SUPT20H: variants seen among roughly 807,000 people sequenced by gnomAD.
The protein encoded by SUPT20H is transcription factor SPT20 homolog.
SUPT20H carries 82 observed loss-of-function variants against 122.8 expected under a neutral mutation model. The ratio of observed to expected loss-of-function variants is 0.67; its 90% confidence interval spans 0.56 to 0.80. SUPT20H has a LOEUF of 0.80. SUPT20H is among the 30% of genes least tolerant of loss of function. SUPT20H has a pLI of 0.00. For missense variants in SUPT20H, 831 were observed against 921.6 expected, an observed-to-expected ratio of 0.90 and a Z score of 1.27; for synonymous variants, 291 against 313.0, an observed-to-expected ratio of 0.93 and a Z score of 0.74.
chr13:37,040,363 C>A, intron 9 of SUPT20H, 42 bp downstream of exon 9: 5 of 1,495,364 alleles, frequency 3.3e-6, no homozygotes, highest in South Asian at 2.6e-5. Flanking sequence ...TTTTTTCATC[C>A]TATATTTTGC....
chr13:37,037,110 T>A (rs2064590758), intron 9 of SUPT20H, among the ~76,000 whole-genome samples: 1 of 149,866 alleles, frequency 6.7e-6, no homozygotes, highest in Non-Finnish European at 1.5e-5. Context: ...GGTGGGAGGA[T>A]CACTTGAGCC....
rs2063776796 is a variant in SUPT20H, at chr13:37,033,471, T to C, written c.685A>G (p.Met229Val). Residue 229 changes from methionine to valine, a missense_variant, in exon 10 of 26, where the codon ATG (methionine) becomes GTG (valine). Met to Val is a conservative substitution (Grantham distance 21). Coordinates refer to ENST00000350612, the MANE Select transcript of SUPT20H (RefSeq NM_001014286.3). ...ANRLLYNKQK[M>V]NTRPMKRCFK... The stretch of plus-strand genomic sequence containing the variant: ...TACCGTTTCATTGGGCGAGTGTTCA[T>C]CTTTTGCTTGTTATAGAGCAGTCTG... 1.2e-6 allele frequency: 2 copies of C among 1,612,016 alleles called. No homozygotes were observed. Among genetic ancestry groups the C allele is most frequent in the African/African-American group, 2.7e-5 (2 of 74,864 alleles).
At chr13:37,025,524 T>C in intron 16 of SUPT20H, 87 bp from the exon 17 acceptor site, 1 of 839,758 alleles carries the variant, frequency 1.2e-6, no homozygotes, top group Non-Finnish European at 1.9e-6. Flanking sequence ...TGACTATTAA[T>C]GGCAAAAAGA....
intron 22 of SUPT20H, among the ~76,000 whole-genome samples, chr13:37,018,932 A>C (rs932353156): frequency 6.6e-6 from 1 of 152,190 alleles, no homozygotes; most frequent in Non-Finnish European, 1.5e-5. Context: ...TCTAGGTGTG[A>C]GCAACCATGT....
intron 9 of SUPT20H, chr13:37,040,177 A>C (rs533111247): frequency 7.5e-6 from 3 of 401,456 alleles, no homozygotes; most frequent in Non-Finnish European, 1.3e-5. Flanking sequence ...ATCTCATTGA[A>C]TATATTAGGC....
At position 37,022,419 on chromosome 13, in the gene SUPT20H, G is replaced by GTTT; in HGVS notation, c.1592-342_1592-340dup. On this transcript the variant is annotated intron_variant, in intron 19 of 25. Transcript: ENST00000350612. The surrounding 1 kb of genome is among the most constrained non-coding windows in gnomAD (Gnocchi z 4.5). ...TACTTAGCACTGACAATTTGTTCTA[G>GTTT]TTTTTTTTTTTTTAGCAGTTAACTG... The GTTT allele has an allele frequency of 4.9e-5, 57 of 1,155,416 alleles. No individual in the cohort carries two copies. Among genetic ancestry groups the GTTT allele is most frequent in the Middle Eastern group, 2.8e-4 (1 of 3,574 alleles). The allele number at this position is 1,155,416 out of a possible 1,614,324, so 71.6% of individuals were successfully genotyped here.
At chr13:37,056,624 A>T (rs2069104855) in intron 1 of SUPT20H, among the ~76,000 whole-genome samples, 1 of 151,260 alleles carries the variant, frequency 6.6e-6, no homozygotes, top group African/African-American at 2.4e-5. Flanking sequence ...TTGGGGTGGG[A>T]GGAGGGGGGA....
intron 14 of SUPT20H, among the ~76,000 whole-genome samples, chr13:37,027,019 C>A (rs1449334183): frequency 6.6e-6 from 1 of 151,936 alleles, no homozygotes; most frequent in Non-Finnish European, 1.5e-5. Flanking sequence ...AATTTTTTCA[C>A]AAAAGAACAT....
At position 37,009,817 on chromosome 13, in the gene SUPT20H, A is replaced by C; in HGVS notation, c.2203-8T>G. 6.2e-7 allele frequency: 1 copy of C among 1,605,394 alleles called. No individual in the cohort carries two copies. Among genetic ancestry groups the C allele is most frequent in the African/African-American group, 1.3e-5 (1 of 74,432 alleles). On this transcript the variant is annotated splice_polypyrimidine_tract_variant and splice_region_variant and intron_variant, in intron 25 of 25. Coordinates refer to ENST00000350612, the MANE Select transcript of SUPT20H (RefSeq NM_001014286.3). Reference sequence around the variant, plus strand: ...CTGCAAGAATCGCAACTGCTGCAAAAGGGAGGGAAAAAAATCGAGTTATGT... The same window carrying C: ...CTGCAAGAATCGCAACTGCTGCAAACGGGAGGGAAAAAAATCGAGTTATGT...
At chr13:37,054,468 G>A (rs887299655) in intron 1 of SUPT20H, among the ~76,000 whole-genome samples, 1 of 152,078 alleles carries the variant, frequency 6.6e-6, no homozygotes, top group Admixed American at 6.6e-5. Flanking sequence ...TTCAACATAC[G>A]CAAATCAATA....
Position 37,009,759 on chromosome 13 carries a change from T to C in SUPT20H, c.2253A>G (p.Gln751=), listed in dbSNP as rs756486975. The C allele has an allele frequency of 6.2e-7, 1 of 1,614,006 alleles. No individual in the cohort carries two copies. The highest frequency in any genetic ancestry group is 8.5e-7 in the Non-Finnish European group (1 of 1,179,956). Residue 751 remains glutamine, a synonymous_variant, in exon 26 of 26, where the codon CAA becomes CAG. Transcript: ENST00000350612. ...HQMAMAAAAA[Q]TAQLHHHRHT... ...GCCGATGATGATGTAGCTGAGCTGT[T>C]TGTGCTGCTGCTGCTGCCATAGCCA... is the stretch of plus-strand genomic sequence containing the variant.
chr13:37,053,823 T>C (rs530118268), intron 1 of SUPT20H, among the ~76,000 whole-genome samples: 5 of 152,100 alleles, frequency 3.3e-5, no homozygotes, highest in African/African-American at 1.2e-4. Context: ...ACTCAATGAA[T>C]CCAGGAGCTG....
chr13:37,036,578 C>T (rs1033150066), intron 9 of SUPT20H, among the ~76,000 whole-genome samples: 9 of 152,100 alleles, frequency 5.9e-5, no homozygotes, highest in African/African-American at 2.2e-4. Context: ...CCTCAGCCTC[C>T]CAAAGTGCTG....
chr13:37,053,379 T>G (rs1235557708), intron 1 of SUPT20H, among the ~76,000 whole-genome samples: 1 of 152,120 alleles, frequency 6.6e-6, no homozygotes, highest in African/African-American at 2.4e-5. Context: ...TGCAGTGACA[T>G]TAATGATTCT....
Position 37,022,998 on chromosome 13 carries a change from G to T in SUPT20H, c.1592-918C>A. The stretch of plus-strand genomic sequence containing the variant: ...AAAACAAAAAACAAAAACCAAAAAA[G>T]TAAAACCAAAAGCTCTTGAGGTGTT... On this transcript the variant is annotated intron_variant, in intron 19 of 25. Transcript: ENST00000350612. This position sits in a 1 kb window ranked among gnomAD's most constrained non-coding sequence, Gnocchi z 4.5. The T allele has an allele frequency of 7.9e-7, 1 of 1,264,964 alleles. No individual in the cohort carries two copies. Among genetic ancestry groups the T allele is most frequent in the South Asian group, 1.3e-5 (1 of 77,186 alleles). 78.4% of individuals were successfully genotyped at this position (1,264,964 alleles called of 1,614,324 possible).
At chr13:37,057,786 C>A (rs2069484764) in intron 1 of SUPT20H, among the ~76,000 whole-genome samples, 1 of 152,052 alleles carries the variant, frequency 6.6e-6, no homozygotes, top group Admixed American at 6.5e-5. Flanking sequence ...CCAGCCTGGA[C>A]AACATGGCGA....
At chr13:37,023,738 A>T in intron 19 of SUPT20H, 1 of 220,008 alleles carries the variant, frequency 4.5e-6, no homozygotes, top group Non-Finnish European at 8.8e-6. Context: ...ATATTTTGAA[A>T]TCTTATTGCC....
In SUPT20H at chr13:37,031,788, T is replaced by C. The variant is rs751511110; in HGVS notation, c.815A>G (p.Glu272Gly). 7.5e-6 allele frequency: 12 copies of C among 1,609,976 alleles called. No homozygotes were observed. The highest frequency in any genetic ancestry group is 9.3e-6 in the Non-Finnish European group (11 of 1,178,708). Reference protein sequence around the residue: ...RLLDFLQKRKERKAGQHYDLK... With the variant: ...RLLDFLQKRKGRKAGQHYDLK... ...GTCATAATGCTGACCTGCTTTTCTT[T>C]CCTTTCTTTTTTGTAAGAAATCAAG... Residue 272 changes from glutamate (E) to glycine (G), a missense_variant, in exon 11 of 26, where the codon GAA (glutamate) becomes GGA (glycine). Transcript: ENST00000350612.
rs759288439 is a variant in SUPT20H at position 37,019,313 on chromosome 13, T to A, written c.1872+29A>T. On this transcript the variant is annotated intron_variant, in intron 22 of 25. Transcript: ENST00000350612. Reference sequence around the variant, plus strand: ...AGAAAAAAAGTCAATGTACAAAAAATTTAATCAAAAGCAGTATTTCAGGTT... The same window carrying A: ...AGAAAAAAAGTCAATGTACAAAAAAATTAATCAAAAGCAGTATTTCAGGTT... 1.9e-6 allele frequency: 3 copies of A among 1,552,734 alleles called. No individual in the cohort carries two copies. In the South Asian group the frequency reaches 3.6e-5, roughly 19 times the overall value.
Sources: gnomAD v4.1 joint callset for allele counts (sites outside exome capture counted in the v4.1 genomes callset) on GRCh38, gnomAD v4.1.1 for gene constraint, Gnocchi (gnomAD v3.1) non-coding constraint, MANE v1.5 for transcripts, NCBI Gene and HGNC (gene_info 2026-07-23, HGNC 2026-07-21) for gene names.